Variants in PELI2 observed in about 807,000 individuals in gnomAD.
The protein encoded by PELI2 is pellino E3 ubiquitin protein ligase family member 2, also known as E3 ubiquitin-protein ligase pellino homolog 2.
Under a neutral mutation model 42.3 loss-of-function variants are expected in PELI2, and 23 were observed. That is an observed-to-expected ratio of 0.54 (90% confidence interval 0.39 to 0.77). The LOEUF is 0.77. Ranked by LOEUF, PELI2 falls within the 30% of genes least tolerant of loss-of-function variation. PELI2 has a pLI of 0.00. For synonymous variants in PELI2, 245 were observed against 212.2 expected, an observed-to-expected ratio of 1.15 and a Z score of -1.34; for missense variants, 463 against 553.2, an observed-to-expected ratio of 0.84 and a Z score of 1.64.
At chr14:56,276,065 C>G (rs895284886) in intron 2 of PELI2, among the ~76,000 whole-genome samples, 1 of 152,114 alleles carries the variant, frequency 6.6e-6, no homozygotes, top group Non-Finnish European at 1.5e-5. Flanking sequence ...AACTCTATTT[C>G]TGAAAGTCAT....
At chr14:56,229,874 A>G (rs1324735648) in intron 2 of PELI2, among the ~76,000 whole-genome samples, 2 of 152,220 alleles carry the variant, frequency 1.3e-5, no homozygotes, top group Non-Finnish European at 2.9e-5. Flanking sequence ...CAAATGGCTA[A>G]CCAGAATAAA....
intron 1 of PELI2, among the ~76,000 whole-genome samples, chr14:56,120,978 A>G (rs1049562152): frequency 6.6e-6 from 1 of 152,164 alleles, no homozygotes; most frequent in Non-Finnish European, 1.5e-5. Flanking sequence ...TGAAAGAGTG[A>G]CTAGGTAGGA....
intron 1 of PELI2, among the ~76,000 whole-genome samples, chr14:56,151,727 A>G (rs1884368156): frequency 6.6e-6 from 1 of 152,260 alleles, no homozygotes. Flanking sequence ...TCAAGTAAGC[A>G]TTTAGTAAGT....
intron 2 of PELI2, among the ~76,000 whole-genome samples, chr14:56,201,165 A>G (rs1039704983): frequency 1.3e-5 from 2 of 152,242 alleles, no homozygotes; most frequent in African/African-American, 4.8e-5. Flanking sequence ...AGAAACCTGT[A>G]AAATGGAACT....
chr14:56,149,990 T>G (rs1040206475), intron 1 of PELI2, among the ~76,000 whole-genome samples: 3 of 152,204 alleles, frequency 2.0e-5, no homozygotes, highest in African/African-American at 7.2e-5. Context: ...GTGGATGGGA[T>G]TAATGGTTTT....
chr14:56,258,285 A>G (rs1172547462), intron 2 of PELI2, among the ~76,000 whole-genome samples: 2 of 151,970 alleles, frequency 1.3e-5, no homozygotes, highest in African/African-American at 4.8e-5. Flanking sequence ...CAAAATCAAG[A>G]ACCGCCCCCC....
rs1485027212 is a variant in PELI2 at position 56,299,644 on chromosome 14, TAAAG to T, written c.*2481_*2484del. The T allele has an allele frequency of 6.6e-6, 1 of 152,068 alleles. No homozygotes were observed. Among genetic ancestry groups the T allele is most frequent in the Non-Finnish European group, 1.5e-5 (1 of 67,998 alleles). 9.4% of individuals were successfully genotyped at this position (152,068 alleles called of 1,614,324 possible). A position where few individuals can be genotyped will look rare whatever the true frequency, so the allele number is the denominator to read the frequency against. ...TCACAGTTGAGTTAGTTTGTGAAAA[TAAAG>T]AACTCTGTAGCTCACCAAGGTGGAG... On this transcript the variant is annotated 3_prime_UTR_variant, in exon 6 of 6. Transcript: ENST00000267460.
rs376220908 is a variant in PELI2 at position 56,180,437 on chromosome 14, A to G, written c.207+1973A>G. ...AGAGAGGAGAACTGGAGTATCAACA[A>G]CAGTGCACATGGATATTTTTTCAAG... On this transcript the variant is annotated intron_variant, in intron 2 of 5. Coordinates refer to ENST00000267460, the MANE Select transcript of PELI2 (RefSeq NM_021255.3). The surrounding 1 kb of genome is among the most constrained non-coding windows in gnomAD (Gnocchi z 4.4). Among the ~76,000 whole-genome samples, 25 of 152,348 alleles carry G rather than the reference A, an allele frequency of 1.6e-4. 1 individual carries two copies. The highest frequency in any genetic ancestry group is 8.5e-4 in the Admixed American group (13 of 15,304).
chr14:56,217,843 T>C (rs8015177), intron 2 of PELI2, among the ~76,000 whole-genome samples: 60,744 of 151,934 alleles, frequency 0.4, 12,986 homozygotes, highest in South Asian at 0.53. Context: ...TACAGTGTTA[T>C]ACTCACCAGC....
At chr14:56,254,842 C>T (rs1052390913) in intron 2 of PELI2, among the ~76,000 whole-genome samples, 2 of 152,202 alleles carry the variant, frequency 1.3e-5, no homozygotes, top group Non-Finnish European at 2.9e-5. Context: ...TGAACAGACA[C>T]TTCTCAAAAG....
chr14:56,290,665 G>T (rs1277133791), intron 5 of PELI2, among the ~76,000 whole-genome samples: 8 of 152,124 alleles, frequency 5.3e-5, no homozygotes, highest in Non-Finnish European at 7.3e-5. Context: ...CCCATAGTGG[G>T]AGTAAATTGT....
At position 56,118,646 on chromosome 14, in the gene PELI2, G is replaced by T. The variant is rs773187690; in HGVS notation, c.-15G>T. 4 of 1,391,764 alleles carry T rather than the reference G, an allele frequency of 2.9e-6. No homozygotes were observed. The South Asian group carries it at 6.3e-5, about 22-fold the overall frequency. The allele number at this position is 1,391,764 out of a possible 1,614,324, so 86.2% of individuals were successfully genotyped here. Reference sequence around the variant, plus strand: ...GGCGGCGTCGGCGGCGGCGTCGGCGGCCGAGCGGGGCTCCATGTTTTCCCC... The same window carrying T: ...GGCGGCGTCGGCGGCGGCGTCGGCGTCCGAGCGGGGCTCCATGTTTTCCCC... On this transcript the variant is annotated 5_prime_UTR_variant, in exon 1 of 6. Transcript: ENST00000267460.
At chr14:56,291,995 A>G (rs1459624961) in intron 5 of PELI2, among the ~76,000 whole-genome samples, 1 of 152,208 alleles carries the variant, frequency 6.6e-6, no homozygotes, top group African/African-American at 2.4e-5. Context: ...AGTATAAAGC[A>G]TACGCTGGAG....
chr14:56,278,260 G>A lies in PELI2; in HGVS notation c.208-1416G>A, dbSNP rs193194134. Among the ~76,000 whole-genome samples the A allele has an allele frequency of 9.1e-4, 139 of 152,116 alleles. 2 individuals carry two copies. Among genetic ancestry groups the A allele is most frequent in the African/African-American group, 3.1e-3 (129 of 41,510 alleles). ...TTACAAATTGTTTTTCAGTTTTATT[G>A]AGGTATAATTAACAAATAAAAATTG... On this transcript the variant is annotated intron_variant, in intron 2 of 5. Transcript: ENST00000267460.
intron 2 of PELI2, among the ~76,000 whole-genome samples, chr14:56,254,601 ACAACAAAAGCAATGG>A (rs1888460360): frequency 6.6e-6 from 1 of 152,328 alleles, no homozygotes; most frequent in African/African-American, 2.4e-5. Flanking sequence ...CATGACTAAA[ACAACAAAAGCAATGG>A]CAACAAAAGC....
intron 2 of PELI2, among the ~76,000 whole-genome samples, chr14:56,215,494 A>G (rs1474969424): frequency 1.3e-5 from 2 of 152,202 alleles, no homozygotes; most frequent in Non-Finnish European, 2.9e-5. Flanking sequence ...TAGATTTAGG[A>G]CTTACTTATA....
intron 1 of PELI2, among the ~76,000 whole-genome samples, chr14:56,123,924 G>A (rs1024478646): frequency 1.3e-5 from 2 of 152,198 alleles, no homozygotes; most frequent in Non-Finnish European, 2.9e-5. Flanking sequence ...GTAGGTATAT[G>A]GGGTTGTAGG....
chr14:56,277,192 C>T (rs763429989), intron 2 of PELI2, among the ~76,000 whole-genome samples: 20 of 152,240 alleles, frequency 1.3e-4, no homozygotes, highest in Non-Finnish European at 2.4e-4. Flanking sequence ...GGAACTGGGC[C>T]GCACAGCAGG....
intron 1 of PELI2, among the ~76,000 whole-genome samples, chr14:56,124,835 G>A (rs981224359): frequency 3.9e-5 from 6 of 152,136 alleles, no homozygotes; most frequent in Non-Finnish European, 5.9e-5. Flanking sequence ...ATGAAAACGT[G>A]CAGCTACTTT....
Sources: gnomAD v4.1 joint callset for allele counts (sites outside exome capture counted in the v4.1 genomes callset) on GRCh38, gnomAD v4.1.1 for gene constraint, Gnocchi (gnomAD v3.1) non-coding constraint, MANE v1.5 for transcripts, NCBI Gene and HGNC (gene_info 2026-07-23, HGNC 2026-07-21) for gene names.